The following PPARGC1A variants were observed in gnomAD, a reference collection of about 807,000 sequenced individuals.
PPARGC1A encodes the protein PPARG coactivator 1 alpha, also known as peroxisome proliferator-activated receptor gamma coactivator 1-alpha.
In PPARGC1A, 25 loss-of-function variants were observed where a neutral mutation model predicts 88.7. The ratio of observed to expected loss-of-function variants is 0.28; its 90% CI spans 0.21 to 0.39. The LOEUF is 0.39. Among genes scored for constraint, PPARGC1A ranks in the 10% least tolerant of loss-of-function variants. PPARGC1A has a pLI of 1.00. For synonymous variants in PPARGC1A, 363 were observed against 355.6 expected (o/e 1.02, Z -0.24); for missense variants, 880 against 968.7 (o/e 0.91, Z 1.22).
the PPARGC1A span, among the ~76,000 whole-genome samples, chr4:24,174,563 C>G: frequency 6.6e-6 from 1 of 152,220 alleles, no homozygotes; most frequent in East Asian, 1.9e-4. Context: ...TCACACAAGG[C>G]ATCCATCCCT....
At chr4:24,247,532 T>C in the PPARGC1A span, among the ~76,000 whole-genome samples, 2 of 152,134 alleles carry the variant, frequency 1.3e-5, no homozygotes, top group African/African-American at 4.8e-5. Context: ...CAGAAGACAC[T>C]CAAAAGGAAA....
At chr4:24,324,762 A>G in the PPARGC1A span, among the ~76,000 whole-genome samples, 3 of 152,012 alleles carry the variant, frequency 2.0e-5, no homozygotes, top group African/African-American at 7.2e-5. Flanking sequence ...GTCCCTTCCT[A>G]GTCTCTGTGC....
chr4:23,828,660 G>A, intron 4 of PPARGC1A, 56 bp from the exon 5 acceptor site: 46 of 1,500,320 alleles, frequency 3.1e-5, no homozygotes, highest in Non-Finnish European at 4.3e-5. Context: ...TTATCAGAAT[G>A]GATATAGGTT....
At chr4:24,233,128 T>TC in the PPARGC1A span, among the ~76,000 whole-genome samples, 124,399 of 152,072 alleles carry the variant, frequency 0.82, 52,049 homozygotes, top group East Asian at 1. Context: ...CTCCAAAGTG[T>TC]TTTGGAATTT....
intron 11 of PPARGC1A, 151 bp from the exon 12 acceptor site, chr4:23,802,032 C>T (rs45525831): frequency 0.01 from 12,934 of 1,284,198 alleles, 350 homozygotes; most frequent in South Asian, 0.084. Flanking sequence ...CAGCTAAATA[C>T]TTATTTCTGG....
the PPARGC1A span, among the ~76,000 whole-genome samples, chr4:23,989,262 C>T: frequency 0.16 from 24,806 of 151,832 alleles, 2,150 homozygotes; most frequent in East Asian, 0.26. Flanking sequence ...CAAGAGGTCA[C>T]GTCAATAATT....
chr4:24,063,842 C>T, the PPARGC1A span, among the ~76,000 whole-genome samples: 56 of 152,292 alleles, frequency 3.7e-4, no homozygotes, highest in Admixed American at 3.7e-3. Context: ...GCCTCCCCAT[C>T]CCCCTCTTCC....
chr4:24,387,936 G>A, the PPARGC1A span, among the ~76,000 whole-genome samples: 2 of 105,544 alleles, frequency 1.9e-5, no homozygotes, highest in African/African-American at 7.4e-5. Context: ...GAAAGAAAGA[G>A]AAAGAAAGAA....
chr4:24,216,453 T>C, the PPARGC1A span, among the ~76,000 whole-genome samples: 2 of 152,114 alleles, frequency 1.3e-5, no homozygotes, highest in African/African-American at 4.8e-5. Context: ...CAGCCCATTT[T>C]GCAGCTAACT....
chr4:23,963,463 T>G, the PPARGC1A span, among the ~76,000 whole-genome samples: 1 of 152,206 alleles, frequency 6.6e-6, no homozygotes, highest in Non-Finnish European at 1.5e-5. Flanking sequence ...TGTCTCTTTT[T>G]TCATCTATGT....
upstream of PPARGC1A, among the ~76,000 whole-genome samples, chr4:23,892,544 G>GTTTTTTTT (rs34009315): frequency 6.9e-6 from 1 of 144,100 alleles, no homozygotes. Flanking sequence ...CTTCAGTCCA[G>GTTTTTTTT]TTTTTTTTTT....
At chr4:24,331,702 G>A in the PPARGC1A span, among the ~76,000 whole-genome samples, 1 of 151,904 alleles carries the variant, frequency 6.6e-6, no homozygotes, top group Non-Finnish European at 1.5e-5. Flanking sequence ...TCAGCATAAT[G>A]TGCAACCTTC....
chr4:24,016,620 C>T, the PPARGC1A span, among the ~76,000 whole-genome samples: 3 of 152,108 alleles, frequency 2.0e-5, no homozygotes, highest in Non-Finnish European at 4.4e-5. Context: ...AAAGATCCTT[C>T]CTGAAGCCCA....
the PPARGC1A span, among the ~76,000 whole-genome samples, chr4:24,002,810 G>A: frequency 4.6e-5 from 7 of 152,088 alleles, no homozygotes; most frequent in Non-Finnish European, 1.0e-4. Context: ...GGCATGCCAC[G>A]TATGCCCACT....
chr4:24,409,615 G>A, the PPARGC1A span, among the ~76,000 whole-genome samples: 2 of 152,162 alleles, frequency 1.3e-5, no homozygotes, highest in Non-Finnish European at 2.9e-5. Flanking sequence ...TGTAAATGAT[G>A]TTAAATTTCT....
chr4:23,830,551 A>G (rs971106192), intron 3 of PPARGC1A, among the ~76,000 whole-genome samples: 1 of 152,258 alleles, frequency 6.6e-6, no homozygotes, highest in African/African-American at 2.4e-5. Context: ...TATTCTCCAT[A>G]TGAGAAACCT....
At chr4:24,149,542 T>C in the PPARGC1A span, among the ~76,000 whole-genome samples, 1 of 152,194 alleles carries the variant, frequency 6.6e-6, no homozygotes, top group African/African-American at 2.4e-5. Context: ...GGGAATCAAT[T>C]TGCTGCCATT....
chr4:24,246,749 G>A, the PPARGC1A span, among the ~76,000 whole-genome samples: 2 of 152,124 alleles, frequency 1.3e-5, no homozygotes, highest in Non-Finnish European at 2.9e-5. Flanking sequence ...CGTCACCCAC[G>A]GAACCATCTT....
At chr4:23,868,034 C>CG (rs1189657252) in intron 2 of PPARGC1A, among the ~76,000 whole-genome samples, 1 of 152,146 alleles carries the variant, frequency 6.6e-6, no homozygotes, top group East Asian at 1.9e-4. Flanking sequence ...CTGGGAACAG[C>CG]GGGTTCCTTG....
Sources: allele counts gnomAD v4.1 joint callset (sites outside exome capture counted in the v4.1 genomes callset), GRCh38; gene constraint gnomAD v4.1.1; transcripts MANE v1.5; gene names NCBI Gene and HGNC (gene_info 2026-07-23, HGNC 2026-07-21).